The following TRAK1 variants were observed in gnomAD, a reference collection of about 807,000 sequenced individuals.
TRAK1 encodes the protein trafficking kinesin-binding protein 1.
In TRAK1, 33 loss-of-function variants were observed where a neutral mutation model predicts 92.1. The ratio of observed to expected loss-of-function variants is 0.36; its 90% CI spans 0.27 to 0.48. The LOEUF (loss-of-function observed/expected upper bound fraction) is 0.48. TRAK1 is among the 20% of genes least tolerant of loss of function. The probability of loss-of-function intolerance (pLI) is 0.99; values close to 1 mark genes in which losing one functional copy is unlikely to be tolerated. For synonymous variants in TRAK1, 521 were observed against 517.3 expected (o/e 1.01, Z -0.10); for missense variants, 1,123 against 1,257.9 (o/e 0.89, Z 1.62).
chr3:42,116,806 G>A (rs569994955), intron 1 of TRAK1, among the ~76,000 whole-genome samples: 1 of 152,192 alleles, frequency 6.6e-6, no homozygotes, highest in East Asian at 1.9e-4. Context: ...AGTGGGAGAG[G>A]GACAGGGAGG....
chr3:42,024,484 A>G (rs1181351484), intron 1 of TRAK1, among the ~76,000 whole-genome samples: 1 of 152,180 alleles, frequency 6.6e-6, no homozygotes, highest in Non-Finnish European at 1.5e-5. Context: ...AAGTTTTATA[A>G]TTTTGCAGTG....
chr3:42,075,435 G>T (rs1230225994), intron 1 of TRAK1, among the ~76,000 whole-genome samples: 2 of 151,906 alleles, frequency 1.3e-5, no homozygotes, highest in Non-Finnish European at 2.9e-5. Flanking sequence ...TGTGAAGAGT[G>T]CTGCGATGAA....
intron 2 of TRAK1, among the ~76,000 whole-genome samples, chr3:42,169,144 TTC>T (rs1702230997): frequency 3.6e-5 from 2 of 56,158 alleles, no homozygotes; most frequent in African/African-American, 1.5e-4. Context: ...TTTTCTTTCT[TTC>T]TTTTTTTTTT....
At chr3:42,052,215 C>T (rs568633683) in intron 1 of TRAK1, among the ~76,000 whole-genome samples, 8 of 152,330 alleles carry the variant, frequency 5.3e-5, no homozygotes, top group Non-Finnish European at 1.2e-4. Flanking sequence ...CTTGACATTA[C>T]TTGCTCTTTC....
Position 42,046,338 on chromosome 3 carries a change from T to TAA in TRAK1, c.-519+32234_-519+32235dup, listed in dbSNP as rs11411603. Among the ~76,000 whole-genome samples the TAA allele has an allele frequency of 7.4e-3, 1,053 of 143,204 alleles. 52 individuals carry two copies. In the East Asian group the frequency reaches 0.14, roughly 19 times the overall value. The allele number at this position is 143,204 out of a possible 152,430, so 93.9% of individuals were successfully genotyped here. A position where few individuals can be genotyped will look rare whatever the true frequency, so the allele number is the denominator to read the frequency against. On this transcript the variant is annotated intron_variant, in intron 1 of 16. Coordinates refer to the TRAK1 transcript ENST00000487159. The stretch of plus-strand genomic sequence containing the variant: ...ATTTAAATCTTCTGTAGAGAACATT[T>TAA]AAAAAAAAAAAAAAGACCACACATA...
chr3:42,162,673 G>T (rs984807825), intron 2 of TRAK1, among the ~76,000 whole-genome samples: 67 of 152,306 alleles, frequency 4.4e-4, no homozygotes, highest in African/African-American at 1.6e-3. Context: ...TAGGGGTCTG[G>T]TGGAGGGTGA....
At chr3:42,162,263 T>C (rs1430187680) in intron 2 of TRAK1, among the ~76,000 whole-genome samples, 1 of 152,024 alleles carries the variant, frequency 6.6e-6, no homozygotes, top group South Asian at 2.1e-4. Flanking sequence ...GTATATAATG[T>C]ATATAAATAT....
intron 8 of TRAK1, 31 bp downstream of exon 8, chr3:42,193,236 A>G (rs780919479): frequency 4.3e-6 from 7 of 1,611,756 alleles, no homozygotes; most frequent in South Asian, 3.3e-5. Flanking sequence ...TGGCTGATAC[A>G]ACAATGGCCA....
intron 1 of TRAK1, among the ~76,000 whole-genome samples, chr3:42,027,307 A>G (rs986153072): frequency 6.6e-6 from 1 of 152,128 alleles, no homozygotes. Flanking sequence ...GCGGATCACG[A>G]GGTCAGGAGA....
chr3:42,224,421 G>A lies in TRAK1; in HGVS notation c.*684G>A, dbSNP rs1446467445. The A allele has an allele frequency of 1.2e-5, 3 of 245,596 alleles. No homozygotes were observed. The highest frequency in any genetic ancestry group is 1.7e-4 in the East Asian group (1 of 5,920). 15.2% of individuals were successfully genotyped at this position (245,596 alleles called of 1,614,324 possible). A position where few individuals can be genotyped will look rare whatever the true frequency, so the allele number is the denominator to read the frequency against. Reference sequence around the variant, plus strand: ...AGCTGTCAGGCCAAATGTCTGACCCGAAAGAGAATGTATTTACACTCATGC... The same window carrying A: ...AGCTGTCAGGCCAAATGTCTGACCCAAAAGAGAATGTATTTACACTCATGC... On this transcript the variant is annotated 3_prime_UTR_variant, in exon 16 of 16. Transcript: ENST00000327628.
intron 2 of TRAK1, among the ~76,000 whole-genome samples, chr3:42,164,568 C>T (rs1231803747): frequency 6.6e-6 from 1 of 152,206 alleles, no homozygotes; most frequent in Non-Finnish European, 1.5e-5. Context: ...AGGCTCTAAG[C>T]TGACAGAGTT....
rs565963419 is a variant in TRAK1 at position 42,104,885 on chromosome 3, G to A, written c.91+13325G>A. ...TGAGAGAAGAGGGCTTCAGACGATC[G>A]GTAATAACAAACTTCTCCAAGCTAA... On this transcript the variant is annotated intron_variant, in intron 1 of 15. Coordinates refer to ENST00000327628, the MANE Select transcript of TRAK1 (RefSeq NM_001042646.3). 9.9e-5 allele frequency among the ~76,000 whole-genome samples: 15 copies of A among 152,140 alleles called. No individual in the cohort carries two copies. The South Asian group carries it at 1.5e-3, about 15-fold the overall frequency.
chr3:42,163,120 T>A (rs891607932), intron 2 of TRAK1, among the ~76,000 whole-genome samples: 10 of 152,210 alleles, frequency 6.6e-5, no homozygotes, highest in Non-Finnish European at 2.9e-5. Context: ...TGGGAGGAAA[T>A]GTGAACAACT....
chr3:42,104,056 G>T (rs759125213), intron 1 of TRAK1, among the ~76,000 whole-genome samples: 1 of 152,176 alleles, frequency 6.6e-6, no homozygotes, highest in African/African-American at 2.4e-5. Context: ...CACGCCCACG[G>T]AACCTCACTC....
At chr3:42,215,999 TC>T (rs1709639525) in intron 14 of TRAK1, among the ~76,000 whole-genome samples, 1 of 152,172 alleles carries the variant, frequency 6.6e-6, no homozygotes, top group Non-Finnish European at 1.5e-5. Context: ...CCCCAGCACT[TC>T]CCAGGGATGC....
intron 1 of TRAK1, among the ~76,000 whole-genome samples, chr3:42,018,675 T>C (rs1007925391): frequency 3.9e-5 from 6 of 152,216 alleles, no homozygotes; most frequent in African/African-American, 1.2e-4. Context: ...AGAGCACTTA[T>C]TGCATTCCTC....
At chr3:42,102,039 G>A (rs1456776793) in intron 1 of TRAK1, among the ~76,000 whole-genome samples, 1 of 152,244 alleles carries the variant, frequency 6.6e-6, no homozygotes, top group Non-Finnish European at 1.5e-5. Context: ...AGGCTGGAGT[G>A]TAGTGATGCC....
At chr3:42,203,253 G>T in intron 13 of TRAK1, 2 of 1,031,150 alleles carry the variant, frequency 1.9e-6, no homozygotes, top group Non-Finnish European at 2.3e-6. Flanking sequence ...TATGTGTTCT[G>T]ATTTGAACTT....
At chr3:42,163,812 CCTT>C (rs1459599014) in intron 2 of TRAK1, among the ~76,000 whole-genome samples, 2 of 152,300 alleles carry the variant, frequency 1.3e-5, no homozygotes, top group East Asian at 3.9e-4. Flanking sequence ...TCTGTTCTCT[CCTT>C]CTCTTGTTTG....
Sources: gnomAD v4.1 joint callset for allele counts (sites outside exome capture counted in the v4.1 genomes callset) on GRCh38, gnomAD v4.1.1 for gene constraint, MANE v1.5 for transcripts, NCBI Gene and HGNC (gene_info 2026-07-23, HGNC 2026-07-21) for gene names.